ATAD2: variants seen among roughly 807,000 people sequenced by gnomAD.
ATAD2 encodes ATPase family AAA domain containing 2.
A neutral mutation model predicts 168.9 loss-of-function variants in ATAD2; 62 were observed. The observed-to-expected ratio is 0.37, with a 90% CI of 0.30 to 0.45. The LOEUF (loss-of-function observed/expected upper bound fraction) is 0.45. Ranked by LOEUF, ATAD2 falls within the 20% of genes least tolerant of loss-of-function variation. The pLI, the probability that ATAD2 is intolerant of heterozygous loss-of-function variation, is 1.00. For missense variants in ATAD2, 1,419 were observed against 1,667.8 expected, an observed-to-expected ratio of 0.85 and a Z score of 2.60; for synonymous variants, 613 against 571.6, an observed-to-expected ratio of 1.07 and a Z score of -1.03.
chr8:123,401,686 C>A, intron 1 of ATAD2: 1 of 770,856 alleles, frequency 1.3e-6, no homozygotes, highest in South Asian at 1.4e-5. Flanking sequence ...CTGTGGGGCA[C>A]GTCAAGGTGC....
intron 3 of ATAD2, among the ~76,000 whole-genome samples, chr8:123,372,411 C>T (rs1281725663): frequency 6.6e-6 from 1 of 152,080 alleles, no homozygotes; most frequent in Non-Finnish European, 1.5e-5. Flanking sequence ...AGGAGAGAAG[C>T]TAGAAGAGCC....
chr8:123,407,449 T>G (rs1385173199), intron 1 of ATAD2, among the ~76,000 whole-genome samples: 1 of 152,156 alleles, frequency 6.6e-6, no homozygotes, highest in Non-Finnish European at 1.5e-5. Flanking sequence ...AGAGGCTGGG[T>G]GTGGTGGCTC....
At chr8:123,411,366 T>G (rs1033217441) in intron 1 of ATAD2, among the ~76,000 whole-genome samples, 2 of 151,932 alleles carry the variant, frequency 1.3e-5, no homozygotes, top group African/African-American at 4.8e-5. Context: ...ACGCCCCAAT[T>G]CAGCAAGAAG....
At chr8:123,360,720 G>GA (rs1171624321) in intron 9 of ATAD2, among the ~76,000 whole-genome samples, 41 of 145,766 alleles carry the variant, frequency 2.8e-4, no homozygotes, top group East Asian at 8.0e-4. Flanking sequence ...TCTATTAAAA[G>GA]AAAAAAAAAA....
Position 123,347,244 on chromosome 8 carries a change from A to G in ATAD2, c.2060T>C (p.Ile687Thr). 1 of 1,614,170 alleles carries G rather than the reference A, an allele frequency of 6.2e-7. No homozygotes were observed. Among genetic ancestry groups the G allele is most frequent in the Non-Finnish European group, 8.5e-7 (1 of 1,180,038 alleles). ...KDFEVAMQKM[I>T]PASQRAVTSP... The stretch of plus-strand genomic sequence containing the variant: ...TGTCACAGCTCTTTGGGAGGCTGGT[A>G]TCATCTTTTGCATAGCTACCTCGAA... The change falls in exon 16 of 28, where the codon ATA (isoleucine) becomes ACA (threonine). Residue 687 changes from isoleucine (I) to threonine (T), a missense_variant. This residue lies in a region of ATAD2 where 545 missense variants were observed against 724.9 expected (regional missense o/e 0.75). Transcript: ENST00000287394.
intron 2 of ATAD2, among the ~76,000 whole-genome samples, chr8:123,377,254 G>C (rs2129814026): frequency 6.6e-6 from 1 of 151,906 alleles, no homozygotes; most frequent in East Asian, 1.9e-4. Context: ...GGGTGACAGA[G>C]CAAGGCAATA....
intron 24 of ATAD2, among the ~76,000 whole-genome samples, chr8:123,331,773 A>C (rs560332638): frequency 6.6e-6 from 1 of 152,194 alleles, no homozygotes; most frequent in Non-Finnish European, 1.5e-5. Context: ...ACACACAAAA[A>C]ATACTTGAGA....
intron 2 of ATAD2, among the ~76,000 whole-genome samples, chr8:123,374,655 G>GTC (rs1829251418): frequency 1.3e-5 from 2 of 152,140 alleles, no homozygotes; most frequent in Non-Finnish European, 2.9e-5. Context: ...AAGCCATACA[G>GTC]TCTCCTCTGT....
At chr8:123,394,269 A>C (rs555021199) in intron 1 of ATAD2, among the ~76,000 whole-genome samples, 1 of 152,330 alleles carries the variant, frequency 6.6e-6, no homozygotes, top group East Asian at 1.9e-4. Flanking sequence ...CAAGTGTAGA[A>C]ACCTGATGAT....
intron 14 of ATAD2, 138 bp downstream of exon 14, chr8:123,349,147 C>A: frequency 2.7e-6 from 2 of 750,278 alleles, no homozygotes; most frequent in East Asian, 2.8e-5. Flanking sequence ...AAAATTTGTC[C>A]CCATTTGAGT....
intron 21 of ATAD2, among the ~76,000 whole-genome samples, chr8:123,337,075 A>AG (rs1184463237): frequency 3.2e-4 from 46 of 142,598 alleles, no homozygotes; most frequent in African/African-American, 5.8e-4. Flanking sequence ...AAAAAAAAAA[A>AG]GGGGGGGCCG....
intron 9 of ATAD2, among the ~76,000 whole-genome samples, chr8:123,360,381 G>T (rs749935927): frequency 6.6e-6 from 1 of 151,996 alleles, no homozygotes; most frequent in Non-Finnish European, 1.5e-5. Flanking sequence ...TCACCCTGTC[G>T]CCCAGGCTGG....
intron 12 of ATAD2, among the ~76,000 whole-genome samples, 166 bp downstream of exon 12, chr8:123,357,396 T>C (rs1019200693): frequency 6.6e-6 from 1 of 152,236 alleles, no homozygotes; most frequent in Non-Finnish European, 1.5e-5. Context: ...CTGTTCACTG[T>C]AGGTCAGTGT....
intron 19 of ATAD2, among the ~76,000 whole-genome samples, chr8:123,343,370 A>G (rs1389129667): frequency 6.6e-6 from 1 of 152,126 alleles, no homozygotes; most frequent in African/African-American, 2.4e-5. Flanking sequence ...CTTTCTCCAC[A>G]ATAATAGTTA....
At chr8:123,390,500 C>A (rs1829799013) in intron 1 of ATAD2, among the ~76,000 whole-genome samples, 1 of 152,150 alleles carries the variant, frequency 6.6e-6, no homozygotes, top group African/African-American at 2.4e-5. Flanking sequence ...CACTGCCACA[C>A]CCAGAAGCTC....
chr8:123,371,427 G>T, intron 4 of ATAD2, 89 bp from the exon 5 acceptor site: 1 of 1,046,306 alleles, frequency 9.6e-7, no homozygotes, highest in Non-Finnish European at 1.4e-6. Context: ...GCAAACTTTT[G>T]GCACTAAGGT....
At chr8:123,366,729 CA>C (rs1828990768) in intron 8 of ATAD2, among the ~76,000 whole-genome samples, 2 of 152,054 alleles carry the variant, frequency 1.3e-5, no homozygotes, top group African/African-American at 2.4e-5. Flanking sequence ...TGTGGGAACT[CA>C]GGGGGAAAGA....
chr8:123,378,374 G>A (rs192261362), intron 2 of ATAD2, among the ~76,000 whole-genome samples: 1 of 152,220 alleles, frequency 6.6e-6, no homozygotes, highest in East Asian at 1.9e-4. Context: ...GCATAACCTT[G>A]CTTATCTAGA....
chr8:123,384,590 G>C (rs1397219004), intron 1 of ATAD2, among the ~76,000 whole-genome samples: 1 of 152,202 alleles, frequency 6.6e-6, no homozygotes, highest in Admixed American at 6.5e-5. Context: ...AGGCAAGAAA[G>C]CAAGAGTATG....
Sources: allele counts gnomAD v4.1 joint callset (sites outside exome capture counted in the v4.1 genomes callset), GRCh38; gene constraint gnomAD v4.1.1; regional missense constraint gnomAD v4.1.1; transcripts MANE v1.5; gene names NCBI Gene and HGNC (gene_info 2026-07-23, HGNC 2026-07-21).